LRTM3: variants seen among roughly 807,000 people sequenced by gnomAD.
LRTM3 encodes the protein leucine rich repeat transmembrane protein 3, also known as leucine-rich repeat transmembrane protein 3.
At chr13:102,735,239 C>A in the LRTM3 span, 1 of 1,551,332 alleles carries the variant, frequency 6.4e-7, no homozygotes, top group Non-Finnish European at 8.7e-7. Context: ...ATCCAGTACA[C>A]TGGTCATATC....
chr13:102,743,314 T>C, the LRTM3 span: 1 of 1,550,438 alleles, frequency 6.4e-7, no homozygotes, highest in Non-Finnish European at 8.7e-7. Flanking sequence ...CTATCTCTGT[T>C]TGGAATCCAC....
At chr13:102,742,684 T>C in the LRTM3 span, 3 of 1,550,608 alleles carry the variant, frequency 1.9e-6, no homozygotes, top group African/African-American at 2.7e-5. Flanking sequence ...GTGAAACTGC[T>C]GATTGCTTTG....
At chr13:102,747,816 G>A in the LRTM3 span, 1 of 1,551,264 alleles carries the variant, frequency 6.4e-7, no homozygotes. Flanking sequence ...GAAAGAGTTT[G>A]TGGTTGGACT....
the LRTM3 span, chr13:102,741,247 A>G: frequency 6.5e-7 from 1 of 1,550,234 alleles, no homozygotes; most frequent in Non-Finnish European, 8.7e-7. Flanking sequence ...TTCCCCAAAG[A>G]TTTTCATTGA....
the LRTM3 span, chr13:102,749,858 A>G: frequency 1.3e-6 from 2 of 1,551,478 alleles, no homozygotes; most frequent in Admixed American, 3.9e-5. Context: ...ATTCTGATTC[A>G]AGGACTCTTG....
At chr13:102,741,066 C>A in the LRTM3 span, 9 of 1,549,958 alleles carry the variant, frequency 5.8e-6, no homozygotes, top group Non-Finnish European at 7.9e-6. Context: ...GCTGAGCCTT[C>A]TTTCTTGGGA....
the LRTM3 span, chr13:102,733,809 A>C: frequency 1.3e-6 from 2 of 1,551,432 alleles, no homozygotes; most frequent in Non-Finnish European, 1.7e-6. Context: ...CTGATCATGA[A>C]GTTTGAGGTC....
At chr13:102,744,368 G>C in the LRTM3 span, 1 of 1,550,150 alleles carries the variant, frequency 6.5e-7, no homozygotes, top group Non-Finnish European at 8.7e-7. Context: ...AGTTTTCTCA[G>C]AAATAGAACT....
At chr13:102,740,174 G>T in the LRTM3 span, 5 of 1,547,850 alleles carry the variant, frequency 3.2e-6, no homozygotes, top group Non-Finnish European at 4.4e-6. Context: ...GCTATTATTT[G>T]ATATTAAATC....
chr13:102,730,058 C>T, the LRTM3 span: 8 of 1,551,366 alleles, frequency 5.2e-6, no homozygotes, highest in Non-Finnish European at 7.0e-6. Flanking sequence ...TGAACTATGA[C>T]ACAACCAGTC....
At chr13:102,740,430 C>T in the LRTM3 span, 2 of 1,550,172 alleles carry the variant, frequency 1.3e-6, no homozygotes, top group Middle Eastern at 1.7e-4. Flanking sequence ...GCTTCCTTTT[C>T]CTGAGGCATT....
chr13:102,738,765 AAG>A, the LRTM3 span: 1 of 1,550,574 alleles, frequency 6.4e-7, no homozygotes, highest in Admixed American at 2.0e-5. Context: ...TAAGGTAGAA[AAG>A]AGATGGAAGC....
the LRTM3 span, among the ~76,000 whole-genome samples, chr13:102,754,860 C>T: frequency 9.9e-5 from 15 of 152,274 alleles, no homozygotes; most frequent in South Asian, 3.1e-3. Flanking sequence ...ATCCTATAGT[C>T]ATAGTAACAA....
At chr13:102,748,651 A>G in the LRTM3 span, 1 of 1,550,692 alleles carries the variant, frequency 6.4e-7, no homozygotes, top group South Asian at 1.2e-5. Flanking sequence ...GCTTTGGAAT[A>G]TGGAGATCAA....
chr13:102,738,575 T>A, the LRTM3 span: 1 of 1,550,630 alleles, frequency 6.4e-7, no homozygotes, highest in East Asian at 2.4e-5. Context: ...TTTTTGCCTC[T>A]GTTCTTTTTG....
the LRTM3 span, chr13:102,746,758 C>T: frequency 1.3e-6 from 2 of 1,551,150 alleles, no homozygotes; most frequent in Non-Finnish European, 1.7e-6. Context: ...AACAGTAACC[C>T]ATTTCTCTTG....
chr13:102,733,528 A>G, the LRTM3 span: 1,014 of 1,551,152 alleles, frequency 6.5e-4, no homozygotes, highest in Non-Finnish European at 8.1e-4. Flanking sequence ...GACTGATTTT[A>G]TGGTTTAAGT....
At chr13:102,741,156 G>A in the LRTM3 span, 1 of 1,548,968 alleles carries the variant, frequency 6.5e-7, no homozygotes, top group South Asian at 1.2e-5. Flanking sequence ...TAATTACTTA[G>A]ATGCTTCATC....
the LRTM3 span, chr13:102,741,383 T>G: frequency 6.5e-7 from 1 of 1,549,848 alleles, no homozygotes; most frequent in Non-Finnish European, 8.7e-7. Context: ...TGGATTCACC[T>G]GTTCTTTCTG....
Sources: gnomAD v4.1 joint callset for allele counts (sites outside exome capture counted in the v4.1 genomes callset) on GRCh38, gnomAD v4.1.1 for gene constraint, MANE v1.5 for transcripts, NCBI Gene and HGNC (gene_info 2026-07-23, HGNC 2026-07-21) for gene names.